Variants in PRKN observed in about 807,000 individuals in gnomAD.
The protein encoded by PRKN is parkin RBR E3 ubiquitin protein ligase.
PRKN carries 56 observed loss-of-function variants against 59.5 expected under a neutral mutation model. The observed-to-expected ratio is 0.94, with a 90% CI of 0.76 to 1.18. PRKN has a LOEUF of 1.18. Among genes scored for constraint, PRKN ranks in the 50% most tolerant of loss-of-function variants. PRKN has a pLI of 0.00. For synonymous variants in PRKN, 250 were observed against 222.1 expected, an observed-to-expected ratio of 1.13 and a Z score of -1.12; for missense variants, 657 against 596.4, an observed-to-expected ratio of 1.10 and a Z score of -1.06.
intron 4 of PRKN, among the ~76,000 whole-genome samples, chr6:162,061,580 G>A (rs1170132535): frequency 6.6e-6 from 1 of 152,058 alleles, no homozygotes; most frequent in Non-Finnish European, 1.5e-5. Flanking sequence ...TCATATAGTA[G>A]ACACTGACAC....
chr6:161,583,590 G>T (rs965084043), intron 7 of PRKN, among the ~76,000 whole-genome samples: 1 of 151,912 alleles, frequency 6.6e-6, no homozygotes, highest in Non-Finnish European at 1.5e-5. Flanking sequence ...GTTGAGAAAG[G>T]TAGAAATTAG....
At chr6:161,565,864 T>C (rs1780621515) in intron 8 of PRKN, among the ~76,000 whole-genome samples, 1 of 152,082 alleles carries the variant, frequency 6.6e-6, no homozygotes, top group Admixed American at 6.6e-5. Context: ...AGGTTTACCA[T>C]CAAATCCAAT....
chr6:161,992,721 A>T (rs1448277794), intron 5 of PRKN, among the ~76,000 whole-genome samples: 1 of 152,320 alleles, frequency 6.6e-6, no homozygotes, highest in Admixed American at 6.5e-5. Flanking sequence ...GTCTCAAGAA[A>T]TTTGTTAAAA....
intron 1 of PRKN, among the ~76,000 whole-genome samples, chr6:162,518,532 A>C (rs112324085): frequency 6.6e-6 from 1 of 151,952 alleles, no homozygotes; most frequent in Non-Finnish European, 1.5e-5. Context: ...ACGTATGGCT[A>C]ATTTTTGTTT....
intron 4 of PRKN, among the ~76,000 whole-genome samples, chr6:162,179,322 C>T (rs73594208): frequency 0.03 from 4,606 of 152,280 alleles, 230 homozygotes; most frequent in African/African-American, 0.1. Context: ...ATCATCAGCC[C>T]GAACCATGCT....
intron 7 of PRKN, among the ~76,000 whole-genome samples, chr6:161,777,299 T>C (rs1419794809): frequency 6.6e-6 from 1 of 152,132 alleles, no homozygotes; most frequent in Non-Finnish European, 1.5e-5. Context: ...TATAACACAA[T>C]ATCTGGTCAA....
chr6:161,796,298 T>C lies in PRKN; in HGVS notation c.735-10390A>G, dbSNP rs3016553. ...CCCATTAACTTCTCAAAGTGCTAGATTGAAAACATTACAATGTAACAAGAG... is the reference window on the plus strand; with the variant it reads ...CCCATTAACTTCTCAAAGTGCTAGACTGAAAACATTACAATGTAACAAGAG... On this transcript the variant is annotated intron_variant, in intron 6 of 11. Coordinates refer to ENST00000366898, the MANE Select transcript of PRKN (RefSeq NM_004562.3). 2.5e-4 allele frequency among the ~76,000 whole-genome samples: 38 copies of C among 152,266 alleles called. No homozygotes were observed. The East Asian group carries it at 5.4e-3, about 22-fold the overall frequency.
At chr6:161,775,405 C>T (rs151322823) in intron 7 of PRKN, among the ~76,000 whole-genome samples, 2 of 150,740 alleles carry the variant, frequency 1.3e-5, no homozygotes, top group African/African-American at 2.5e-5. Flanking sequence ...AACACACTGA[C>T]CTAATTTTTA....
chr6:162,019,767 C>T (rs1032019764), intron 5 of PRKN, among the ~76,000 whole-genome samples: 1 of 152,072 alleles, frequency 6.6e-6, no homozygotes, highest in Admixed American at 6.5e-5. Context: ...GCCTGTAATC[C>T]CAGCACTTTG....
chr6:162,698,551 T>A (rs150429903), intron 1 of PRKN, among the ~76,000 whole-genome samples: 1 of 152,160 alleles, frequency 6.6e-6, no homozygotes, highest in Admixed American at 6.6e-5. Context: ...GGCTTCATTT[T>A]CCTCTTTCCC....
rs1162588591 is a variant in PRKN at position 161,582,810 on chromosome 6, C to G, written c.872-13394G>C. ...ATGCATGAATTGAGTTCAGAGCTGTCGTCTTATGACTCAGATCCATGTTCA... is the reference window on the plus strand; with the variant it reads ...ATGCATGAATTGAGTTCAGAGCTGTGGTCTTATGACTCAGATCCATGTTCA... On this transcript the variant is annotated intron_variant, in intron 7 of 11. Coordinates refer to ENST00000366898, the MANE Select transcript of PRKN (RefSeq NM_004562.3). This position sits in a 1 kb window ranked among gnomAD's most constrained non-coding sequence, Gnocchi z 4.4. Among the ~76,000 whole-genome samples, 1 of 152,026 alleles carries G rather than the reference C, an allele frequency of 6.6e-6. No homozygotes were observed. Among genetic ancestry groups the G allele is most frequent in the East Asian group, 1.9e-4 (1 of 5,178 alleles).
At chr6:162,242,330 C>T (rs544591965) in intron 3 of PRKN, among the ~76,000 whole-genome samples, 2 of 151,980 alleles carry the variant, frequency 1.3e-5, no homozygotes, top group Non-Finnish European at 2.9e-5. Flanking sequence ...GGTTGGTTAC[C>T]TTTTTCCAAT....
chr6:161,666,985 C>CTAA (rs1227790094), intron 7 of PRKN, among the ~76,000 whole-genome samples: 1 of 152,134 alleles, frequency 6.6e-6, no homozygotes, highest in Non-Finnish European at 1.5e-5. Flanking sequence ...CAGGCTTTAC[C>CTAA]CCATGCTGCA....
chr6:161,922,799 G>C (rs1343382825), intron 6 of PRKN, among the ~76,000 whole-genome samples: 2 of 152,024 alleles, frequency 1.3e-5, no homozygotes, highest in African/African-American at 4.8e-5. Context: ...ATAAAGAGAA[G>C]GTTTTGGAGA....
intron 7 of PRKN, among the ~76,000 whole-genome samples, chr6:161,662,094 A>T (rs1484170192): frequency 2.0e-5 from 3 of 152,186 alleles, no homozygotes; most frequent in Non-Finnish European, 4.4e-5. Context: ...TTCTGTATGG[A>T]AAGATGAGGA....
At chr6:162,604,808 T>C (rs1583891437) in intron 1 of PRKN, among the ~76,000 whole-genome samples, 1 of 151,492 alleles carries the variant, frequency 6.6e-6, no homozygotes, top group African/African-American at 2.4e-5. Flanking sequence ...AATGGTGAAA[T>C]TGATTTGAAA....
intron 4 of PRKN, among the ~76,000 whole-genome samples, chr6:162,118,276 G>A (rs1440132242): frequency 6.6e-6 from 1 of 151,568 alleles, no homozygotes; most frequent in Non-Finnish European, 1.5e-5. Flanking sequence ...GTGGTGGCCA[G>A]CGCCAGTTGT....
At chr6:162,601,942 T>C (rs1177097153) in intron 1 of PRKN, among the ~76,000 whole-genome samples, 1 of 152,190 alleles carries the variant, frequency 6.6e-6, no homozygotes, top group Non-Finnish European at 1.5e-5. Flanking sequence ...ACCTGAAGAC[T>C]CATTTATTCA....
intron 2 of PRKN, among the ~76,000 whole-genome samples, chr6:162,406,702 C>G (rs1375198506): frequency 1.3e-5 from 2 of 152,148 alleles, no homozygotes; most frequent in South Asian, 4.1e-4. Flanking sequence ...GATAGGAGCG[C>G]ACTATCCACC....
Sources: allele counts gnomAD v4.1 joint callset (sites outside exome capture counted in the v4.1 genomes callset), GRCh38; gene constraint gnomAD v4.1.1; non-coding constraint Gnocchi (gnomAD v3.1); transcripts MANE v1.5; gene names NCBI Gene and HGNC (gene_info 2026-07-23, HGNC 2026-07-21).